Variants in PRDM5 observed in about 807,000 individuals in gnomAD.
PRDM5 encodes the protein PR/SET domain 5.
In PRDM5, 56 loss-of-function variants were observed where a neutral mutation model predicts 81.2. The observed-to-expected ratio is 0.69, with a 90% CI of 0.56 to 0.86. The LOEUF is 0.86. Among genes scored for constraint, PRDM5 ranks in the 40% least tolerant of loss-of-function variants. The pLI, the probability that PRDM5 is intolerant of heterozygous loss-of-function variation, is 0.00. For missense variants in PRDM5, 697 were observed against 770.1 expected (o/e 0.91, Z 1.12); for synonymous variants, 267 against 256.4 (o/e 1.04, Z -0.39).
intron 14 of PRDM5, among the ~76,000 whole-genome samples, chr4:120,732,870 AC>A (rs770087313): frequency 1.4e-4 from 21 of 152,300 alleles, no homozygotes; most frequent in Non-Finnish European, 2.6e-4. Flanking sequence ...GGTTGGATCA[AC>A]TGACCTCTTA....
At chr4:120,773,849 A>T (rs918039397) in intron 13 of PRDM5, among the ~76,000 whole-genome samples, 6 of 152,230 alleles carry the variant, frequency 3.9e-5, no homozygotes, top group Admixed American at 3.3e-4. Flanking sequence ...AGAAACAGAT[A>T]CGAGAATCCA....
intron 14 of PRDM5, among the ~76,000 whole-genome samples, chr4:120,730,174 C>A (rs1213105844): frequency 6.6e-6 from 1 of 152,154 alleles, no homozygotes; most frequent in Non-Finnish European, 1.5e-5. Flanking sequence ...GGAATTTGGA[C>A]AAGCTACTTA....
intron 13 of PRDM5, among the ~76,000 whole-genome samples, chr4:120,756,863 T>C (rs1744816875): frequency 6.6e-6 from 1 of 152,164 alleles, no homozygotes; most frequent in African/African-American, 2.4e-5. Context: ...TAAAGCATGA[T>C]AAGAATAGTA....
At chr4:120,786,569 C>T (rs12507924) in intron 10 of PRDM5, among the ~76,000 whole-genome samples, 30,242 of 151,982 alleles carry the variant, frequency 0.2, 3,647 homozygotes, top group Non-Finnish European at 0.28. Flanking sequence ...CACTCACCTC[C>T]TACAATAAGA....
chr4:120,826,166 C>T (rs1169537058), intron 3 of PRDM5, among the ~76,000 whole-genome samples: 2 of 152,110 alleles, frequency 1.3e-5, no homozygotes, highest in Non-Finnish European at 2.9e-5. Flanking sequence ...TCTGAATTTT[C>T]ATGTCATTCT....
intron 14 of PRDM5, among the ~76,000 whole-genome samples, chr4:120,745,434 C>G (rs1340254466): frequency 1.4e-5 from 2 of 146,772 alleles, no homozygotes; most frequent in Admixed American, 1.4e-4. Flanking sequence ...CTGGCCAGGG[C>G]AGTTAGGCAG....
intron 14 of PRDM5, among the ~76,000 whole-genome samples, chr4:120,724,960 CCAGT>C (rs1210977876): frequency 6.6e-6 from 1 of 152,126 alleles, no homozygotes; most frequent in Non-Finnish European, 1.5e-5. Context: ...TAAACCTGCC[CCAGT>C]CAAACTTAAA....
chr4:120,865,203 A>C (rs1215080789), intron 2 of PRDM5, among the ~76,000 whole-genome samples: 1 of 152,180 alleles, frequency 6.6e-6, no homozygotes, highest in Non-Finnish European at 1.5e-5. Context: ...GTGGGGAGAA[A>C]TTCTTCAGGA....
chr4:120,889,949 T>C (rs1763865598), intron 2 of PRDM5, among the ~76,000 whole-genome samples: 3 of 152,218 alleles, frequency 2.0e-5, no homozygotes, highest in South Asian at 2.1e-4. Context: ...CTACCATTGA[T>C]GGGCATGCAG....
chr4:120,867,525 C>T (rs1197156719), intron 2 of PRDM5, among the ~76,000 whole-genome samples: 1 of 152,120 alleles, frequency 6.6e-6, no homozygotes, highest in African/African-American at 2.4e-5. Context: ...GAATTTAACA[C>T]ATAAGGAAAC....
chr4:120,695,388 G>C, intron 15 of PRDM5, 113 bp from the exon 16 acceptor site: 1 of 1,202,516 alleles, frequency 8.3e-7, no homozygotes, highest in South Asian at 1.3e-5. Flanking sequence ...GCATTTAATC[G>C]GTGTCCTTTG....
At chr4:120,732,278 C>G (rs1292860610) in intron 14 of PRDM5, among the ~76,000 whole-genome samples, 1 of 152,104 alleles carries the variant, frequency 6.6e-6, no homozygotes, top group Non-Finnish European at 1.5e-5. Context: ...AAGTACTTAA[C>G]TCAGTACATA....
intron 15 of PRDM5, among the ~76,000 whole-genome samples, chr4:120,706,085 CTTTTTTTTTTT>C (rs5861484): frequency 1.4e-5 from 2 of 143,304 alleles, no homozygotes; most frequent in Non-Finnish European, 3.0e-5. Flanking sequence ...GATCCTAGAT[CTTTTTTTTTTT>C]TTTTTTCTTT....
At chr4:120,806,841 T>G (rs188697590) in intron 8 of PRDM5, among the ~76,000 whole-genome samples, 3,185 of 152,090 alleles carry the variant, frequency 0.021, 117 homozygotes, top group African/African-American at 0.071. Context: ...AAGCCAAAAT[T>G]GACAAATGGG....
chr4:120,859,177 T>C lies in PRDM5; in HGVS notation c.178-5637A>G, dbSNP rs941838547. On this transcript the variant is annotated intron_variant, in intron 2 of 15. Transcript: ENST00000264808. ...TTAAATATAAACATTCTGCTTTCAA[T>C]GGCACAGCTGGGAACATACATACCA... 5.3e-5 allele frequency among the ~76,000 whole-genome samples: 8 copies of C among 151,850 alleles called. No individual in the cohort carries two copies. The East Asian group carries it at 5.8e-4, about 11-fold the overall frequency.
chr4:120,692,649 A>C lies in PRDM5; in HGVS notation c.*2462T>G, dbSNP rs949950665. 11 of 152,092 alleles carry C rather than the reference A, an allele frequency of 7.2e-5. No individual in the cohort carries two copies. The highest frequency in any genetic ancestry group is 2.7e-4 in the African/African-American group (11 of 41,446). 9.4% of individuals were successfully genotyped at this position (152,092 alleles called of 1,614,324 possible). On this transcript the variant is annotated 3_prime_UTR_variant, in exon 16 of 16. Transcript: ENST00000264808. ...CACCTACATTATTGAACGTCTCTTA[A>C]ATTTACTTAGCCAATTTCTAAGTCT...
Position 120,816,542 on chromosome 4 carries a change from T to A in PRDM5, c.776A>T (p.Asp259Val), listed in dbSNP as rs200275445. 2 of 1,613,900 alleles carry A rather than the reference T, an allele frequency of 1.2e-6. No homozygotes were observed. The highest frequency in any genetic ancestry group is 1.3e-5 in the African/African-American group (1 of 74,942). The change falls in exon 7 of 16, where the codon GAT becomes GTT. Residue 259 changes from aspartate to valine, a missense_variant. Transcript: ENST00000264808. ...FEQHQETCRG[D>V]ARFVCKADSC... Reference sequence around the variant, plus strand: ...GTCAGCCTTGCACACAAACCTGGCATCCCCCCGGCAAGTCTCCTGGTGCTG... The same window carrying A: ...GTCAGCCTTGCACACAAACCTGGCAACCCCCCGGCAAGTCTCCTGGTGCTG...
chr4:120,798,577 T>C (rs908084295), intron 9 of PRDM5, among the ~76,000 whole-genome samples, 153 bp from the exon 10 acceptor site: 1 of 152,140 alleles, frequency 6.6e-6, no homozygotes, highest in Non-Finnish European at 1.5e-5. Flanking sequence ...AATAGACACA[T>C]AAATGTGTCT....
intron 13 of PRDM5, among the ~76,000 whole-genome samples, chr4:120,758,120 C>T (rs1745053008): frequency 6.6e-6 from 1 of 152,170 alleles, no homozygotes. Context: ...CTATATTACA[C>T]CTCTGGCTTT....
Sources: allele counts gnomAD v4.1 joint callset (sites outside exome capture counted in the v4.1 genomes callset), GRCh38; gene constraint gnomAD v4.1.1; transcripts MANE v1.5; gene names NCBI Gene and HGNC (gene_info 2026-07-23, HGNC 2026-07-21).